SMIM36: variants seen among roughly 807,000 people sequenced by gnomAD.
SMIM36 encodes small integral membrane protein 36.
the SMIM36 span, among the ~76,000 whole-genome samples, chr17:55,519,958 A>T: frequency 6.6e-6 from 1 of 152,158 alleles, no homozygotes; most frequent in Non-Finnish European, 1.5e-5. Flanking sequence ...TTGGCTATTT[A>T]TTCTTTCATG....
intron 3 of SMIM36, among the ~76,000 whole-genome samples, chr17:55,473,897 G>A (rs1156725533): frequency 1.3e-5 from 2 of 152,084 alleles, no homozygotes; most frequent in Admixed American, 6.6e-5. Context: ...CAGACAGCCC[G>A]GCGCGTCACC....
At chr17:55,529,054 G>C in the SMIM36 span, among the ~76,000 whole-genome samples, 18 of 152,182 alleles carry the variant, frequency 1.2e-4, no homozygotes, top group East Asian at 3.3e-3. Context: ...ATATTTTCAG[G>C]GGATTCCTTC....
chr17:55,460,836 T>TGACA (rs1309225597), intron 4 of SMIM36, among the ~76,000 whole-genome samples: 2 of 152,004 alleles, frequency 1.3e-5, no homozygotes, highest in African/African-American at 4.8e-5. Context: ...GCAGCCTGGG[T>TGACA]GACAGAGTGA....
Position 55,501,670 on chromosome 17 carries a change from T to C in SMIM36, c.*174+9209A>G, listed in dbSNP as rs556231813. On this transcript the variant is annotated intron_variant, in intron 1 of 4. Transcript: ENST00000636752. ...TAATATATATTGAATATATAATATA[T>C]ATATTTTATGGGTGTTTATATATAG... Among the ~76,000 whole-genome samples the C allele has an allele frequency of 1.4e-4, 20 of 145,464 alleles. No homozygotes were observed. In the South Asian group the frequency reaches 4.0e-3, roughly 29 times the overall value.
chr17:55,460,096 A>G (rs1164189829), intron 4 of SMIM36, among the ~76,000 whole-genome samples: 4 of 152,154 alleles, frequency 2.6e-5, no homozygotes. Context: ...GCAGTTTTCA[A>G]AGTCCTATAT....
intron 1 of SMIM36, among the ~76,000 whole-genome samples, chr17:55,509,754 G>A (rs994060846): frequency 6.6e-6 from 1 of 152,090 alleles, no homozygotes; most frequent in African/African-American, 2.4e-5. Flanking sequence ...GGAAGGGAGG[G>A]TTAATAAAAA....
chr17:55,477,458 A>G (rs1909443884), intron 3 of SMIM36, among the ~76,000 whole-genome samples: 1 of 152,080 alleles, frequency 6.6e-6, no homozygotes, highest in Non-Finnish European at 1.5e-5. Context: ...GTCTCTGTGC[A>G]CTAATTTCCC....
chr17:55,500,692 A>G (rs553239476), intron 1 of SMIM36, among the ~76,000 whole-genome samples: 3 of 145,824 alleles, frequency 2.1e-5, no homozygotes, highest in South Asian at 2.1e-4. Context: ...TCTCTCTTGG[A>G]TTCCTATTAA....
chr17:55,481,315 C>A (rs1488918570), intron 1 of SMIM36, among the ~76,000 whole-genome samples: 1 of 152,096 alleles, frequency 6.6e-6, no homozygotes, highest in Non-Finnish European at 1.5e-5. Flanking sequence ...ACAGACAGAA[C>A]AAAAGTGGGC....
chr17:55,485,654 C>T (rs994813310), intron 1 of SMIM36, among the ~76,000 whole-genome samples: 3 of 152,090 alleles, frequency 2.0e-5, no homozygotes, highest in African/African-American at 7.2e-5. Context: ...CAACTATTTG[C>T]CTATTTATAG....
At chr17:55,483,241 G>A (rs915801823) in intron 1 of SMIM36, among the ~76,000 whole-genome samples, 1 of 152,146 alleles carries the variant, frequency 6.6e-6, no homozygotes, top group Non-Finnish European at 1.5e-5. Context: ...TTTGGCCTGA[G>A]TGCTCTCTCC....
intron 4 of SMIM36, among the ~76,000 whole-genome samples, chr17:55,462,417 C>G (rs549542113): frequency 6.6e-6 from 1 of 152,138 alleles, no homozygotes; most frequent in African/African-American, 2.4e-5. Flanking sequence ...TCAAGACCAG[C>G]CTTAGCAACG....
At chr17:55,479,135 C>A (rs987041622) in intron 2 of SMIM36, among the ~76,000 whole-genome samples, 1 of 152,170 alleles carries the variant, frequency 6.6e-6, no homozygotes, top group African/African-American at 2.4e-5. Flanking sequence ...GATTTCTCAG[C>A]CTTTTGGTGT....
At chr17:55,531,696 G>A in the SMIM36 span, among the ~76,000 whole-genome samples, 1 of 152,168 alleles carries the variant, frequency 6.6e-6, no homozygotes, top group South Asian at 2.1e-4. Context: ...ACTTTGTATG[G>A]GCTACTTTTA....
intron 1 of SMIM36, among the ~76,000 whole-genome samples, chr17:55,501,230 A>G (rs1909946712): frequency 1.1e-5 from 1 of 93,412 alleles, no homozygotes; most frequent in African/African-American, 4.1e-5. Flanking sequence ...ATTATATATT[A>G]TAATATATAA....
intron 1 of SMIM36, among the ~76,000 whole-genome samples, chr17:55,495,346 T>C (rs1909790048): frequency 6.6e-6 from 1 of 152,226 alleles, no homozygotes; most frequent in Non-Finnish European, 1.5e-5. Context: ...ACACACCTGA[T>C]GGCTGATGGT....
intron 1 of SMIM36, among the ~76,000 whole-genome samples, chr17:55,502,445 C>G (rs2144719465): frequency 9.9e-6 from 1 of 101,298 alleles, no homozygotes; most frequent in Non-Finnish European, 1.9e-5. Context: ...AACTGGGAGG[C>G]ACCCCCCAGC....
chr17:55,520,808 A>T, the SMIM36 span, among the ~76,000 whole-genome samples: 1 of 152,206 alleles, frequency 6.6e-6, no homozygotes, highest in African/African-American at 2.4e-5. Context: ...CCACTGCAAT[A>T]GTAGTAATAA....
At chr17:55,462,911 C>G (rs1909170689) in intron 4 of SMIM36, among the ~76,000 whole-genome samples, 1 of 152,136 alleles carries the variant, frequency 6.6e-6, no homozygotes, top group Non-Finnish European at 1.5e-5. Flanking sequence ...CCTCCCAACC[C>G]CCAGAAAGCT....
Sources: allele counts gnomAD v4.1 joint callset (sites outside exome capture counted in the v4.1 genomes callset), GRCh38; gene constraint gnomAD v4.1.1; transcripts MANE v1.5; gene names NCBI Gene and HGNC (gene_info 2026-07-23, HGNC 2026-07-21).